WWP2: variants seen among roughly 807,000 people sequenced by gnomAD.
WWP2 encodes the protein NEDD4-like E3 ubiquitin-protein ligase WWP2.
In WWP2, 57 loss-of-function variants were observed where a neutral mutation model predicts 121.0. The observed-to-expected ratio is 0.47, with a 90% CI of 0.38 to 0.59. The LOEUF is 0.59. Ranked by LOEUF, WWP2 falls within the 20% of genes least tolerant of loss-of-function variation. The probability of loss-of-function intolerance (pLI) is 0.00; values close to 1 mark genes in which losing one functional copy is unlikely to be tolerated. For synonymous variants in WWP2, 449 were observed against 441.3 expected (o/e 1.02, Z -0.22); for missense variants, 962 against 1,158.9 (o/e 0.83, Z 2.47).
At chr16:69,908,684 A>G in intron 8 of WWP2, 77 bp from the exon 9 acceptor site, 2 of 1,563,084 alleles carry the variant, frequency 1.3e-6, no homozygotes, top group East Asian at 2.3e-5. Flanking sequence ...CACATGAGTG[A>G]TGAAGGTCTT....
chr16:69,769,399 G>A (rs888417404), intron 1 of WWP2, among the ~76,000 whole-genome samples: 1 of 151,752 alleles, frequency 6.6e-6, no homozygotes, highest in Non-Finnish European at 1.5e-5. Flanking sequence ...TCTACAGCTG[G>A]TTAATTAGAA....
At chr16:69,767,154 A>G (rs929546349) in intron 1 of WWP2, among the ~76,000 whole-genome samples, 10 of 152,136 alleles carry the variant, frequency 6.6e-5, no homozygotes, top group African/African-American at 1.9e-4. Flanking sequence ...TTGAGTGCCA[A>G]TTTCTGGAAT....
chr16:69,772,690 G>A (rs566682844), intron 1 of WWP2, among the ~76,000 whole-genome samples: 2 of 152,216 alleles, frequency 1.3e-5, no homozygotes, highest in South Asian at 4.1e-4. Flanking sequence ...CCATGGCATT[G>A]GCACACTGTC....
intron 4 of WWP2, among the ~76,000 whole-genome samples, chr16:69,830,783 T>C (rs2056780287): frequency 6.6e-6 from 1 of 152,162 alleles, no homozygotes; most frequent in Admixed American, 6.6e-5. Flanking sequence ...TAACAGTAAA[T>C]CCTGGAATCA....
At chr16:69,834,559 C>T (rs1447744733) in intron 4 of WWP2, among the ~76,000 whole-genome samples, 1 of 144,688 alleles carries the variant, frequency 6.9e-6, no homozygotes, top group Non-Finnish European at 1.5e-5. Flanking sequence ...CGGAGTTTCG[C>T]TCTTGTTGCC....
At chr16:69,873,062 G>T (rs1278367232) in intron 7 of WWP2, among the ~76,000 whole-genome samples, 1 of 152,200 alleles carries the variant, frequency 6.6e-6, no homozygotes, top group Non-Finnish European at 1.5e-5. Context: ...AGGAATGCAG[G>T]TGTTGAAATT....
At chr16:69,906,732 T>G (rs2058300371) in intron 8 of WWP2, among the ~76,000 whole-genome samples, 1 of 152,084 alleles carries the variant, frequency 6.6e-6, no homozygotes, top group Non-Finnish European at 1.5e-5. Flanking sequence ...ATAAAAAGAT[T>G]AGCTGGGCCT....
At chr16:69,872,253 G>A (rs1597088894) in intron 7 of WWP2, among the ~76,000 whole-genome samples, 1 of 150,214 alleles carries the variant, frequency 6.7e-6, no homozygotes, top group East Asian at 1.9e-4. Flanking sequence ...GTCTCACCCT[G>A]TCGCCCAGGC....
intron 6 of WWP2, among the ~76,000 whole-genome samples, chr16:69,844,930 C>T (rs1204131639): frequency 6.6e-6 from 1 of 152,200 alleles, no homozygotes. Flanking sequence ...TGTCTCTTTG[C>T]CTCCTTAAAA....
intron 9 of WWP2, chr16:69,909,771 A>C (rs1335027227): frequency 1.3e-5 from 12 of 889,558 alleles, no homozygotes; most frequent in Non-Finnish European, 1.6e-5. Context: ...AAATGTTCTT[A>C]TTATTATGGA....
chr16:69,795,255 C>T (rs913308978), intron 2 of WWP2, among the ~76,000 whole-genome samples: 9 of 91,640 alleles, frequency 9.8e-5, no homozygotes, highest in African/African-American at 4.2e-4. Context: ...AAAAAAAATG[C>T]GGATACACAC....
chr16:69,813,325 G>T (rs2056430586), intron 4 of WWP2, among the ~76,000 whole-genome samples: 1 of 152,098 alleles, frequency 6.6e-6, no homozygotes, highest in African/African-American at 2.4e-5. Context: ...ACCACACCCA[G>T]CTAATTTTAT....
intron 19 of WWP2, chr16:69,936,764 T>C (rs919727804): frequency 2.0e-6 from 1 of 496,872 alleles, no homozygotes; most frequent in Non-Finnish European, 3.6e-6. Flanking sequence ...AGGATCTCTG[T>C]GGCCTGTGTG....
At chr16:69,885,535 G>A (rs1004041139) in intron 7 of WWP2, among the ~76,000 whole-genome samples, 2 of 152,172 alleles carry the variant, frequency 1.3e-5, no homozygotes, top group African/African-American at 4.8e-5. Context: ...ATCATATGAA[G>A]AAATTTGACT....
At chr16:69,820,691 A>G (rs2056576276) in intron 4 of WWP2, among the ~76,000 whole-genome samples, 1 of 110,926 alleles carries the variant, frequency 9.0e-6, no homozygotes, top group African/African-American at 2.7e-5. Flanking sequence ...CTCCCCATAT[A>G]CTACTGTTTA....
chr16:69,879,117 T>C (rs113647242), intron 7 of WWP2, among the ~76,000 whole-genome samples: 5 of 152,240 alleles, frequency 3.3e-5, no homozygotes, highest in African/African-American at 1.2e-4. Context: ...TTTCATAGTA[T>C]TTGATCATTT....
At chr16:69,802,854 C>T (rs1199587721) in intron 4 of WWP2, among the ~76,000 whole-genome samples, 3 of 152,070 alleles carry the variant, frequency 2.0e-5, no homozygotes, top group Non-Finnish European at 2.9e-5. Context: ...ATCTGCCCAC[C>T]TTGGCCTTCC....
rs116649414 is a variant in WWP2 at position 69,847,934 on chromosome 16, C to T, written c.575+5814C>T. Among the ~76,000 whole-genome samples, 430 of 152,184 alleles carry T rather than the reference C, an allele frequency of 2.8e-3. 3 individuals carry two copies. The highest frequency in any genetic ancestry group is 9.9e-3 in the African/African-American group (409 of 41,502). ...GCAGGGAGTCAAGTTGGAATGAAGC[C>T]CACAGGACTGTCTGTGAGTGGAGCT... On this transcript the variant is annotated intron_variant, in intron 6 of 23. Coordinates refer to ENST00000359154, the MANE Select transcript of WWP2 (RefSeq NM_001270454.2).
chr16:69,869,154 C>T (rs537973729), intron 6 of WWP2, among the ~76,000 whole-genome samples: 1 of 152,152 alleles, frequency 6.6e-6, no homozygotes, highest in Admixed American at 6.5e-5. Context: ...TCCCAAAGTG[C>T]TGGGATTACA....
Sources: gnomAD v4.1 joint callset for allele counts (sites outside exome capture counted in the v4.1 genomes callset) on GRCh38, gnomAD v4.1.1 for gene constraint, MANE v1.5 for transcripts, NCBI Gene and HGNC (gene_info 2026-07-23, HGNC 2026-07-21) for gene names.